The following PEMT variants were observed in gnomAD, a reference collection of about 807,000 sequenced individuals.
PEMT encodes the protein phospholipid methyltransferase.
A neutral mutation model predicts 27.4 loss-of-function variants in PEMT; 23 were observed. The ratio of observed to expected loss-of-function variants is 0.84; its 90% CI spans 0.60 to 1.19. PEMT has a LOEUF of 1.19. PEMT is among the 50% of genes most tolerant of loss of function. PEMT has a pLI of 0.00. For synonymous variants in PEMT, 137 were observed against 139.1 expected, an observed-to-expected ratio of 0.98 and a Z score of 0.11; for missense variants, 307 against 310.1, an observed-to-expected ratio of 0.99 and a Z score of 0.07.
In PEMT at chr17:17,523,039, G is replaced by T. The variant is rs990053419; in HGVS notation, c.205-644C>A. Among the ~76,000 whole-genome samples the T allele has an allele frequency of 2.6e-5, 4 of 152,174 alleles. No homozygotes were observed. Among genetic ancestry groups the T allele is most frequent in the Non-Finnish European group, 4.4e-5 (3 of 68,024 alleles). Reference sequence around the variant, plus strand: ...ATCACATCTGGAATCTCAACATCTGGCCACCAACGGTGGAGAGAAGGGAGC... The same window carrying T: ...ATCACATCTGGAATCTCAACATCTGTCCACCAACGGTGGAGAGAAGGGAGC... On this transcript the variant is annotated intron_variant, in intron 2 of 6. Coordinates refer to ENST00000255389, the MANE Select transcript of PEMT (RefSeq NM_148172.3). The surrounding 1 kb of genome is among the most constrained non-coding windows in gnomAD (Gnocchi z 4.8).
intron 2 of PEMT, among the ~76,000 whole-genome samples, chr17:17,543,258 G>A (rs1909018585): frequency 6.6e-6 from 1 of 152,256 alleles, no homozygotes; most frequent in South Asian, 2.1e-4. Flanking sequence ...CGACCATGGG[G>A]ACTCTGCTGA....
At chr17:17,518,979 T>C (rs1242776863) in intron 3 of PEMT, 1 of 152,234 alleles carries the variant, frequency 6.6e-6, no homozygotes, top group Non-Finnish European at 1.5e-5. Flanking sequence ...AAATGGTTCA[T>C]AACAGTTTAT....
At chr17:17,558,122 G>A (rs550022602) in intron 2 of PEMT, among the ~76,000 whole-genome samples, 20 of 152,238 alleles carry the variant, frequency 1.3e-4, no homozygotes, top group Admixed American at 1.2e-3. Flanking sequence ...CGGCAGAATC[G>A]CTGGAGCCCA....
At chr17:17,580,569 AAG>A (rs1911915462) in intron 1 of PEMT, among the ~76,000 whole-genome samples, 1 of 152,088 alleles carries the variant, frequency 6.6e-6, no homozygotes, top group Admixed American at 6.5e-5. Flanking sequence ...TGGCTCAGGG[AAG>A]AGTCGTGGCT....
intron 2 of PEMT, among the ~76,000 whole-genome samples, chr17:17,552,993 C>T (rs1567716201): frequency 1.3e-5 from 2 of 152,242 alleles, no homozygotes; most frequent in South Asian, 4.1e-4. Flanking sequence ...GTCCCAACCC[C>T]TCACTGGCCT....
intron 2 of PEMT, among the ~76,000 whole-genome samples, chr17:17,535,997 T>A (rs1170729281): frequency 6.6e-6 from 1 of 152,202 alleles, no homozygotes; most frequent in Non-Finnish European, 1.5e-5. Flanking sequence ...GTCCAGTGTC[T>A]GGCAACGACT....
chr17:17,565,027 G>T (rs1325648003), intron 2 of PEMT, among the ~76,000 whole-genome samples: 2 of 152,210 alleles, frequency 1.3e-5, no homozygotes, highest in Non-Finnish European at 2.9e-5. Context: ...GCGCCTGCCT[G>T]CCAGTGCCTT....
At chr17:17,570,443 A>C (rs1217528359) in intron 2 of PEMT, 1 of 876,352 alleles carries the variant, frequency 1.1e-6, no homozygotes, top group African/African-American at 1.8e-5. Context: ...ACTGACATCT[A>C]GTGGGCAGAG....
At chr17:17,572,818 G>A (rs1262356272) in intron 2 of PEMT, among the ~76,000 whole-genome samples, 3 of 152,232 alleles carry the variant, frequency 2.0e-5, no homozygotes, top group Admixed American at 6.5e-5. Context: ...TTGAAATACT[G>A]CATGACATGC....
At chr17:17,570,382 G>A in intron 2 of PEMT, 1 of 380,048 alleles carries the variant, frequency 2.6e-6, no homozygotes, top group Non-Finnish European at 3.6e-6. Flanking sequence ...GCCCTCAAGG[G>A]ACATCAGGCA....
At chr17:17,516,024 GA>G (rs1906797839) in intron 3 of PEMT, among the ~76,000 whole-genome samples, 1 of 151,960 alleles carries the variant, frequency 6.6e-6, no homozygotes, top group Admixed American at 6.5e-5. Flanking sequence ...CACCAGGCCA[GA>G]GGCACACGGC....
intron 2 of PEMT, among the ~76,000 whole-genome samples, chr17:17,543,242 C>T (rs1194000001): frequency 6.6e-6 from 1 of 152,272 alleles, no homozygotes; most frequent in South Asian, 2.1e-4. Flanking sequence ...GCGTTCTTCC[C>T]AAGTGCGACC....
At chr17:17,570,319 G>A (rs1911104313) in intron 2 of PEMT, among the ~76,000 whole-genome samples, 1 of 152,230 alleles carries the variant, frequency 6.6e-6, no homozygotes, top group Admixed American at 6.5e-5. Context: ...AGTGACAGCA[G>A]GTATGGCAGG....
At chr17:17,586,263 AG>A (rs1567759243) in intron 1 of PEMT, among the ~76,000 whole-genome samples, 31 of 118,396 alleles carry the variant, frequency 2.6e-4, no homozygotes, top group African/African-American at 4.9e-4. Context: ...AAAGAAAGAA[AG>A]AAAGAAAGAA....
In PEMT at chr17:17,530,908, C is replaced by T. The variant is rs1352885739; in HGVS notation, c.205-8513G>A. On this transcript the variant is annotated intron_variant, in intron 2 of 6. Transcript: ENST00000255389. ...ATTACAAAAAATTGGCCGGGCGTAA[C>T]GGCAGGTGCCTGCAATCCCAGCTAC... Among the ~76,000 whole-genome samples, 6 of 151,762 alleles carry T rather than the reference C, an allele frequency of 4.0e-5. 1 individual carries two copies. The South Asian group carries it at 1.2e-3, about 32-fold the overall frequency.
chr17:17,572,068 A>C (rs1323719710), intron 2 of PEMT, among the ~76,000 whole-genome samples: 1 of 152,110 alleles, frequency 6.6e-6, no homozygotes, highest in East Asian at 1.9e-4. Flanking sequence ...TTCCTCCACA[A>C]GCCTCTCCTC....
intron 2 of PEMT, among the ~76,000 whole-genome samples, chr17:17,553,276 C>T (rs895454327): frequency 1.3e-5 from 2 of 152,204 alleles, no homozygotes; most frequent in African/African-American, 2.4e-5. Context: ...GTGGGGAAGG[C>T]GTCCCACCTC....
chr17:17,516,590 C>G (rs991529279), intron 3 of PEMT, among the ~76,000 whole-genome samples: 1 of 152,184 alleles, frequency 6.6e-6, no homozygotes, highest in African/African-American at 2.4e-5. Context: ...CCCAGCACCC[C>G]TAGCACCTGG....
chr17:17,555,065 A>G (rs1323102578), intron 2 of PEMT, among the ~76,000 whole-genome samples: 2 of 152,046 alleles, frequency 1.3e-5, no homozygotes, highest in East Asian at 3.9e-4. Flanking sequence ...ACAGCTCTAA[A>G]CCCTGCAGAG....
Sources: allele counts gnomAD v4.1 joint callset (sites outside exome capture counted in the v4.1 genomes callset), GRCh38; gene constraint gnomAD v4.1.1; non-coding constraint Gnocchi (gnomAD v3.1); transcripts MANE v1.5; gene names NCBI Gene and HGNC (gene_info 2026-07-23, HGNC 2026-07-21).